Variants in FARS2 observed in about 807,000 individuals in gnomAD.
The protein encoded by FARS2 is phenylalanyl-tRNA synthetase 2, mitochondrial, also known as phenylalanine--tRNA ligase, mitochondrial.
In FARS2, 40 loss-of-function variants were observed where a neutral mutation model predicts 46.4. The ratio of observed to expected loss-of-function variants is 0.86; its 90% CI spans 0.67 to 1.12. The LOEUF (loss-of-function observed/expected upper bound fraction) is 1.12, where lower values mean the gene tolerates loss of function less well. Ranked by LOEUF, FARS2 falls within the 50% of genes most tolerant of loss-of-function variation. FARS2 has a pLI of 0.00. For missense variants in FARS2, 513 were observed against 567.9 expected, an observed-to-expected ratio of 0.90 and a Z score of 0.98; for synonymous variants, 234 against 214.9, an observed-to-expected ratio of 1.09 and a Z score of -0.78.
chr6:5,467,856 T>C (rs139028567), intron 4 of FARS2, among the ~76,000 whole-genome samples: 2,316 of 152,230 alleles, frequency 0.015, 63 homozygotes, highest in African/African-American at 0.053. Context: ...TGATTATAGA[T>C]GCTCATTACC....
chr6:5,319,075 A>C (rs1372970128), intron 1 of FARS2, among the ~76,000 whole-genome samples: 1 of 152,122 alleles, frequency 6.6e-6, no homozygotes, highest in Admixed American at 6.5e-5. Flanking sequence ...GTGAGAGTAG[A>C]TAGCTATCCA....
chr6:5,680,319 A>C (rs1778969867), intron 6 of FARS2, among the ~76,000 whole-genome samples: 1 of 152,198 alleles, frequency 6.6e-6, no homozygotes, highest in African/African-American at 2.4e-5. Flanking sequence ...CGGGTTAGGC[A>C]TGAGTAGCCA....
At chr6:5,485,673 G>A (rs2150350995) in intron 4 of FARS2, among the ~76,000 whole-genome samples, 1 of 152,262 alleles carries the variant, frequency 6.6e-6, no homozygotes, top group East Asian at 1.9e-4. Flanking sequence ...TTTAACAAAT[G>A]TAAAAAACAT....
intron 1 of FARS2, among the ~76,000 whole-genome samples, chr6:5,353,487 C>T (rs1413092289): frequency 6.6e-6 from 1 of 152,096 alleles, no homozygotes; most frequent in Non-Finnish European, 1.5e-5. Context: ...TACTGTTTTC[C>T]ATAGTGGCTG....
chr6:5,349,522 A>C (rs1172369437), intron 1 of FARS2, among the ~76,000 whole-genome samples: 2 of 152,198 alleles, frequency 1.3e-5, no homozygotes, highest in African/African-American at 2.4e-5. Context: ...ACCCTTGAGT[A>C]CTTTTTAGAA....
At chr6:5,534,245 CA>C (rs2150466132) in intron 4 of FARS2, among the ~76,000 whole-genome samples, 1 of 152,158 alleles carries the variant, frequency 6.6e-6, no homozygotes, top group South Asian at 2.1e-4. Context: ...TAAATATCTA[CA>C]TCCTCTGAGA....
At chr6:5,340,023 T>A (rs976418100) in intron 1 of FARS2, among the ~76,000 whole-genome samples, 1 of 152,238 alleles carries the variant, frequency 6.6e-6, no homozygotes, top group African/African-American at 2.4e-5. Context: ...CCTAAGGATA[T>A]GCCCACACTG....
intron 6 of FARS2, among the ~76,000 whole-genome samples, chr6:5,759,785 A>G (rs956147088): frequency 2.0e-5 from 3 of 152,168 alleles, no homozygotes; most frequent in Non-Finnish European, 1.5e-5. Context: ...GGGAGCCCAC[A>G]CTGTCAGAGC....
chr6:5,429,682 G>A (rs1277856116), intron 3 of FARS2, among the ~76,000 whole-genome samples: 4 of 152,072 alleles, frequency 2.6e-5, no homozygotes, highest in Non-Finnish European at 5.9e-5. Context: ...ATGATGACGC[G>A]TGCTTGTAGT....
At chr6:5,341,085 T>C (rs2127591542) in intron 1 of FARS2, among the ~76,000 whole-genome samples, 1 of 148,470 alleles carries the variant, frequency 6.7e-6, no homozygotes, top group Admixed American at 6.7e-5. Flanking sequence ...GAGGCGGAGG[T>C]TGCAGTGAGC....
At chr6:5,707,298 TGG>T (rs1758820784) in intron 6 of FARS2, among the ~76,000 whole-genome samples, 1 of 152,146 alleles carries the variant, frequency 6.6e-6, no homozygotes, top group Non-Finnish European at 1.5e-5. Flanking sequence ...CAATATTACA[TGG>T]ATTTGAAAAA....
intron 6 of FARS2, among the ~76,000 whole-genome samples, chr6:5,670,795 T>G (rs1187462755): frequency 6.6e-6 from 1 of 152,172 alleles, no homozygotes; most frequent in Non-Finnish European, 1.5e-5. Context: ...CTCCAAAAGC[T>G]TATCACATTG....
chr6:5,639,572 A>G (rs6928239), intron 6 of FARS2, among the ~76,000 whole-genome samples: 8,165 of 152,226 alleles, frequency 0.054, 761 homozygotes, highest in African/African-American at 0.19. Flanking sequence ...TAAATGCCCT[A>G]TGGGAAACTC....
chr6:5,715,325 G>A (rs1431856139), intron 6 of FARS2, among the ~76,000 whole-genome samples: 7 of 152,242 alleles, frequency 4.6e-5, no homozygotes, highest in Admixed American at 6.5e-5. Context: ...CCCAGCATGC[G>A]TTTTTCAAAG....
intron 5 of FARS2, among the ~76,000 whole-genome samples, chr6:5,564,378 A>G (rs1444205136): frequency 6.6e-6 from 1 of 152,242 alleles, no homozygotes; most frequent in African/African-American, 2.4e-5. Context: ...ATAATTGCCC[A>G]GAACTAGCGT....
the FARS2 span, among the ~76,000 whole-genome samples, chr6:5,254,899 G>A: frequency 1.3e-5 from 2 of 152,130 alleles, no homozygotes; most frequent in African/African-American, 4.8e-5. Flanking sequence ...GTGGGAGGTG[G>A]AGGGGGTATC....
intron 4 of FARS2, among the ~76,000 whole-genome samples, chr6:5,432,351 T>A (rs10631017): frequency 0.036 from 1,506 of 42,254 alleles, 47 homozygotes; most frequent in African/African-American, 0.1. Context: ...TATATATATA[T>A]TATATATATA....
chr6:5,421,770 G>T (rs1012110732), intron 3 of FARS2, among the ~76,000 whole-genome samples: 1 of 152,166 alleles, frequency 6.6e-6, no homozygotes, highest in African/African-American at 2.4e-5. Context: ...ATCTCCATCT[G>T]AGACCATCTC....
At chr6:5,353,227 A>C (rs1757687700) in intron 1 of FARS2, among the ~76,000 whole-genome samples, 1 of 152,116 alleles carries the variant, frequency 6.6e-6, no homozygotes, top group South Asian at 2.1e-4. Context: ...GCTGTAAATG[A>C]CAATTTAATT....
Sources: allele counts gnomAD v4.1 joint callset (sites outside exome capture counted in the v4.1 genomes callset), GRCh38; gene constraint gnomAD v4.1.1; transcripts MANE v1.5; gene names NCBI Gene and HGNC (gene_info 2026-07-23, HGNC 2026-07-21).